CCDC88C: variants seen among roughly 807,000 people sequenced by gnomAD.
CCDC88C encodes the protein protein Daple.
CCDC88C carries 131 observed loss-of-function variants against 198.8 expected under a neutral mutation model. The ratio of observed to expected loss-of-function variants is 0.66; its 90% CI spans 0.57 to 0.76. The LOEUF is 0.76. Among genes scored for constraint, CCDC88C ranks in the 30% least tolerant of loss-of-function variants. The pLI is 0.00. For synonymous variants in CCDC88C, 1,166 were observed against 1,114.7 expected (o/e 1.05, Z -0.92); for missense variants, 2,553 against 2,631.6 (o/e 0.97, Z 0.65).
chr14:91,354,999 T>G (rs1376325606), intron 4 of CCDC88C, among the ~76,000 whole-genome samples: 1 of 152,144 alleles, frequency 6.6e-6, no homozygotes, highest in Non-Finnish European at 1.5e-5. Flanking sequence ...AGGAGGTGTT[T>G]ACACAGCTCG....
rs748061020 is a variant in CCDC88C at position 91,283,337 on chromosome 14, C to T, written c.4622G>A (p.Arg1541His). 21 of 1,612,788 alleles carry T rather than the reference C, an allele frequency of 1.3e-5. No homozygotes were observed. The highest frequency in any genetic ancestry group is 1.2e-4 in the South Asian group (11 of 90,832). ...AAGGGCCTGTGACTCACCTTTGGTG[C>T]GGCCTGGGTGCCGGGCGATGGGGGT... Reference protein sequence around the residue: ...NSTPIARHPGRTKGYNSDDNL... With the variant: ...NSTPIARHPGHTKGYNSDDNL... Residue 1541 changes from arginine (R) to histidine (H), a missense_variant, in exon 26 of 30, where the codon CGC (arginine) becomes CAC (histidine). Physicochemically the swap from Arg to His is conservative, Grantham distance 29. Around this residue, in one of 2 missense-constraint regions of CCDC88C, gnomAD observed 1,293 missense variants for 1,219.6 expected, o/e 1.06. Transcript: ENST00000389857.
At chr14:91,275,818 CTTTTT>C (rs34204634) in intron 29 of CCDC88C, among the ~76,000 whole-genome samples, 1 of 82,308 alleles carries the variant, frequency 1.2e-5, no homozygotes. Context: ...ACCAGTGGTT[CTTTTT>C]TTTTTTTTTT....
Position 91,338,628 on chromosome 14 carries a change from G to A in CCDC88C, c.810-58C>T. ...GGCAGCTTCCTCAACAAGCAGCCCT[G>A]GGAGCAGGCTGCCACTTCCTAAAAC... On this transcript the variant is annotated intron_variant, in intron 8 of 29. Transcript: ENST00000389857. The surrounding 1 kb of genome is among the most constrained non-coding windows in gnomAD (Gnocchi z 4.8). The A allele has an allele frequency of 3.0e-6, 4 of 1,315,958 alleles. No homozygotes were observed. Among genetic ancestry groups the A allele is most frequent in the Non-Finnish European group, 4.3e-6 (4 of 933,190 alleles). The allele number at this position is 1,315,958 out of a possible 1,614,324, so 81.5% of individuals were successfully genotyped here. A position where few individuals can be genotyped will look rare whatever the true frequency, so the allele number is the denominator to read the frequency against.
At chr14:91,390,012 C>T (rs1465265957) in intron 3 of CCDC88C, among the ~76,000 whole-genome samples, 3 of 150,932 alleles carry the variant, frequency 2.0e-5, no homozygotes, top group Non-Finnish European at 4.4e-5. Context: ...GCGGAGCTTG[C>T]AGTGAGCCGA....
rs77864697 is a variant in CCDC88C at position 91,284,134 on chromosome 14, T to C, written c.4442-617A>G. 0.053 allele frequency among the ~76,000 whole-genome samples: 8,117 copies of C among 152,142 alleles called. 269 individuals carry two copies. The highest frequency in any genetic ancestry group is 0.14 in the Middle Eastern group (40 of 292). ...CTGGTCAAAATTAAATAAAAACATA[T>C]AAAATCATAAAAGAAAAACAGCCCA... On this transcript the variant is annotated intron_variant, in intron 25 of 29. Coordinates refer to ENST00000389857, the MANE Select transcript of CCDC88C (RefSeq NM_001080414.4). This position sits in a 1 kb window ranked among gnomAD's most constrained non-coding sequence, Gnocchi z 4.1.
chr14:91,315,629 G>T lies in CCDC88C; in HGVS notation c.1665+21C>A, dbSNP rs751133828. ...TGCAGGCAGGGGTTCTAGGAGAGGC[G>T]TTAGTGGTGGAGGCACCTACCTGCC... On this transcript the variant is annotated intron_variant, in intron 14 of 29. Transcript: ENST00000389857. 4.3e-6 allele frequency: 7 copies of T among 1,613,426 alleles called. No individual in the cohort carries two copies. In the African/African-American group the frequency reaches 9.3e-5, roughly 22 times the overall value.
At position 91,313,166 on chromosome 14, in the gene CCDC88C, C is replaced by T. The variant is rs185802741; in HGVS notation, c.2650G>A (p.Gly884Ser). Residue 884 changes from glycine to serine, a missense_variant, in exon 15 of 30, where the codon GGC becomes AGC. Gly to Ser is a moderately conservative substitution (Grantham distance 56). This residue lies in a region of CCDC88C where 1,260 missense variants were observed against 1,412.0 expected (regional missense o/e 0.89). Transcript: ENST00000389857. This position sits in a 1 kb window ranked among gnomAD's most constrained non-coding sequence, Gnocchi z 5.2. ...TCCTTCTCCAGCTCCTTCAGCTTGC[C>T]GGCTGCGTCCCTGCAGCGGGCCAGC... ...KELARCRDAAGKLKELEKDNR... is the reference protein window; with the variant it reads ...KELARCRDAASKLKELEKDNR... The T allele has an allele frequency of 4.7e-4, 751 of 1,611,652 alleles. No individual in the cohort carries two copies. Among genetic ancestry groups the T allele is most frequent in the Non-Finnish European group, 5.9e-4 (699 of 1,178,272 alleles).
intron 10 of CCDC88C, among the ~76,000 whole-genome samples, chr14:91,337,276 G>A (rs1339389015): frequency 6.6e-6 from 1 of 152,200 alleles, no homozygotes; most frequent in Admixed American, 6.5e-5. Context: ...CTAGCTGATG[G>A]CTATGGGGCT....
In CCDC88C at chr14:91,352,534, A is replaced by C. The variant is rs914016235; in HGVS notation, c.340+7108T>G. ...TCTGAACCTTCTCTCTCAAGGATGA[A>C]AGAGGAAATTTTAGAACAATCAAAA... On this transcript the variant is annotated intron_variant, in intron 4 of 29. Transcript: ENST00000389857. The surrounding 1 kb of genome is among the most constrained non-coding windows in gnomAD (Gnocchi z 4.2). Among the ~76,000 whole-genome samples, 11 of 152,230 alleles carry C rather than the reference A, an allele frequency of 7.2e-5. No homozygotes were observed. Among genetic ancestry groups the C allele is most frequent in the Admixed American group, 1.3e-4 (2 of 15,292 alleles).
intron 6 of CCDC88C, among the ~76,000 whole-genome samples, chr14:91,341,307 G>A (rs1218675331): frequency 1.3e-5 from 2 of 152,182 alleles, no homozygotes; most frequent in African/African-American, 4.8e-5. Flanking sequence ...GGCTTCAGGG[G>A]CTCAGCCTGG....
intron 3 of CCDC88C, among the ~76,000 whole-genome samples, chr14:91,393,193 G>A (rs1885632226): frequency 6.6e-6 from 1 of 152,168 alleles, no homozygotes; most frequent in African/African-American, 2.4e-5. Flanking sequence ...GGCTAGGAGG[G>A]GTTGGGCCGC....
chr14:91,295,871 A>C (rs919256872), intron 22 of CCDC88C, among the ~76,000 whole-genome samples: 1 of 152,198 alleles, frequency 6.6e-6, no homozygotes, highest in Non-Finnish European at 1.5e-5. Flanking sequence ...TGAGGCTGCC[A>C]TGAGGGTGGG....
At chr14:91,336,003 C>A (rs966284625) in intron 10 of CCDC88C, among the ~76,000 whole-genome samples, 4 of 152,214 alleles carry the variant, frequency 2.6e-5, no homozygotes, top group Non-Finnish European at 5.9e-5. Flanking sequence ...GTTTGTCTCA[C>A]TACCTATCCC....
intron 10 of CCDC88C, among the ~76,000 whole-genome samples, chr14:91,332,076 G>T (rs748827401): frequency 6.6e-6 from 1 of 152,168 alleles, no homozygotes; most frequent in Non-Finnish European, 1.5e-5. Context: ...CTATTTGGGA[G>T]CCAGCGCTGC....
intron 3 of CCDC88C, among the ~76,000 whole-genome samples, chr14:91,377,355 T>C (rs1387393902): frequency 6.6e-6 from 1 of 152,178 alleles, no homozygotes; most frequent in African/African-American, 2.4e-5. Flanking sequence ...GCCGGAGCGA[T>C]GGTGCTGAAC....
Position 91,273,732 on chromosome 14 carries a change from C to A in CCDC88C, c.5059-79G>T. ...TGGAGCCGCCTCCTGCGCGGGACGCCCCCGAGCAGCCCACGTGGCTGGGAC... is the reference window on the plus strand; with the variant it reads ...TGGAGCCGCCTCCTGCGCGGGACGCACCCGAGCAGCCCACGTGGCTGGGAC... On this transcript the variant is annotated intron_variant, in intron 29 of 29. Coordinates refer to ENST00000389857, the MANE Select transcript of CCDC88C (RefSeq NM_001080414.4). This position sits in a 1 kb window ranked among gnomAD's most constrained non-coding sequence, Gnocchi z 5.6. 8.0e-7 allele frequency: 1 copy of A among 1,252,818 alleles called. No individual in the cohort carries two copies. The highest frequency in any genetic ancestry group is 1.1e-6 in the Non-Finnish European group (1 of 950,394). The allele number at this position is 1,252,818 out of a possible 1,614,324, so 77.6% of individuals were successfully genotyped here. A position where few individuals can be genotyped will look rare whatever the true frequency, so the allele number is the denominator to read the frequency against.
Position 91,283,370 on chromosome 14 carries a change from G to T in CCDC88C, c.4589C>A (p.Ser1530Tyr), listed in dbSNP as rs751704870. ...GTGCCGGGCGATGGGGGTGGAGTTGGAAGGGGCTGTAGTGGTGGCTGAAGT... is the reference window on the plus strand; with the variant it reads ...GTGCCGGGCGATGGGGGTGGAGTTGTAAGGGGCTGTAGTGGTGGCTGAAGT... ...CSTSATTTAP[S>Y]NSTPIARHPG... is the part of the protein sequence containing the mutation. Residue 1530 changes from serine to tyrosine, a missense_variant, in exon 26 of 30, where the codon TCC becomes TAC. Physicochemically the swap from Ser to Tyr is moderately radical, Grantham distance 144 (BLOSUM62 -2). Around this residue, in one of 2 missense-constraint regions of CCDC88C, gnomAD observed 1,293 missense variants for 1,219.6 expected, o/e 1.06. Transcript: ENST00000389857. 1 of 1,613,860 alleles carries T rather than the reference G, an allele frequency of 6.2e-7. No homozygotes were observed. Among genetic ancestry groups the T allele is most frequent in the Non-Finnish European group, 8.5e-7 (1 of 1,179,854 alleles).
chr14:91,273,271 C>A lies in CCDC88C; in HGVS notation c.5441G>T (p.Arg1814Leu). 6.4e-7 allele frequency: 1 copy of A among 1,559,146 alleles called. No individual in the cohort carries two copies. The highest frequency in any genetic ancestry group is 8.7e-7 in the Non-Finnish European group (1 of 1,151,316). The change falls in exon 30 of 30, where the codon CGG becomes CTG. Residue 1814 changes from arginine to leucine, a missense_variant. Around this residue, in one of 2 missense-constraint regions of CCDC88C, gnomAD observed 1,293 missense variants for 1,219.6 expected, o/e 1.06. Coordinates refer to ENST00000389857, the MANE Select transcript of CCDC88C (RefSeq NM_001080414.4). This position sits in a 1 kb window ranked among gnomAD's most constrained non-coding sequence, Gnocchi z 5.6. The stretch of plus-strand genomic sequence containing the variant: ...TTTGCAGGCCTCTGGCCCGCTGGCC[C>A]GGAGAAGGTCAGCTGAGGCCAGGCT... ...AFSLASADLL[R>L]ASGPEACKQE...
chr14:91,356,723 C>T (rs1366348309), intron 4 of CCDC88C, among the ~76,000 whole-genome samples: 5 of 152,132 alleles, frequency 3.3e-5, no homozygotes, highest in Admixed American at 6.5e-5. Flanking sequence ...GCATCCACAT[C>T]TTTACAGATG....
Sources: gnomAD v4.1 joint callset for allele counts (sites outside exome capture counted in the v4.1 genomes callset) on GRCh38, gnomAD v4.1.1 for gene constraint, gnomAD v4.1.1 regional missense constraint, Gnocchi (gnomAD v3.1) non-coding constraint, MANE v1.5 for transcripts, NCBI Gene and HGNC (gene_info 2026-07-23, HGNC 2026-07-21) for gene names.